Variants in CNKSR2 observed in about 807,000 individuals in gnomAD.
The protein encoded by CNKSR2 is connector enhancer of kinase suppressor of Ras 2.
CNKSR2 carries 14 observed loss-of-function variants against 84.4 expected under a neutral mutation model. The ratio of observed to expected loss-of-function variants is 0.17; its 90% CI spans 0.11 to 0.26. The LOEUF (loss-of-function observed/expected upper bound fraction) is 0.26, where lower values mean the gene tolerates loss of function less well. Among genes scored for constraint, CNKSR2 ranks in the 10% least tolerant of loss-of-function variants. The pLI, the probability that CNKSR2 is intolerant of heterozygous loss-of-function variation, is 1.00. For synonymous variants in CNKSR2, 275 were observed against 277.9 expected (o/e 0.99, Z 0.10); for missense variants, 485 against 771.2 (o/e 0.63, Z 4.40).
intron 1 of CNKSR2, 194 bp from the exon 2 acceptor site, chrX:21,426,303 G>A: frequency 2.5e-6 from 1 of 398,031 alleles, no homozygotes; most frequent in South Asian, 4.6e-5. Flanking sequence ...ACAACTACGA[G>A]TATGATGAAG....
At position 21,374,972 on chromosome X, in the gene CNKSR2, C is replaced by T; in HGVS notation, c.64+11C>T. 1 of 1,196,021 alleles carries T rather than the reference C, an allele frequency of 8.4e-7. No homozygotes were observed. The highest frequency in any genetic ancestry group is 1.1e-6 in the Non-Finnish European group (1 of 880,787). ...TGGACTGGATGAAAGGTAATGCCCG[C>T]TGCGGGGAGGGTGAGGCGGCACTGG... is the stretch of plus-strand genomic sequence containing the variant. On this transcript the variant is annotated intron_variant, in intron 1 of 21. Transcript: ENST00000379510.
At chrX:21,556,079 G>A (rs752696024) in intron 11 of CNKSR2, among the ~76,000 whole-genome samples, 70 of 110,367 alleles carry the variant, frequency 6.3e-4, no homozygotes, top group Non-Finnish European at 1.1e-3. Flanking sequence ...GAAGGAAGAG[G>A]GAGGAAAAGA....
At chrX:21,448,394 C>G (rs968762373) in intron 4 of CNKSR2, among the ~76,000 whole-genome samples, 18 of 111,483 alleles carry the variant, frequency 1.6e-4, no homozygotes, top group African/African-American at 5.5e-4. Flanking sequence ...AAAGAGAGAA[C>G]CAATGCTAGA....
At chrX:21,570,535 G>C (rs2092276420) in intron 13 of CNKSR2, among the ~76,000 whole-genome samples, 1 of 111,761 alleles carries the variant, frequency 8.9e-6, no homozygotes, top group Non-Finnish European at 1.9e-5. Context: ...CAATAAGGCT[G>C]TTTCGTTTTC....
At chrX:21,641,657 T>G in intron 20 of CNKSR2, 1 of 1,148,392 alleles carries the variant, frequency 8.7e-7, no homozygotes, top group Non-Finnish European at 1.2e-6. Context: ...TCGGAGAGAG[T>G]CGGTACGGCG....
intron 18 of CNKSR2, 133 bp downstream of exon 18, chrX:21,601,482 T>A (rs1455003277): frequency 7.0e-6 from 3 of 428,276 alleles, no homozygotes; most frequent in Non-Finnish European, 1.2e-5. Context: ...GGCACTTAAG[T>A]GAGGTTTAAC....
chrX:21,439,121 G>A (rs991262836), intron 3 of CNKSR2, among the ~76,000 whole-genome samples: 5 of 111,303 alleles, frequency 4.5e-5, no homozygotes, highest in African/African-American at 9.8e-5. Flanking sequence ...AACAACAGGA[G>A]AATAAAAATT....
chrX:21,451,525 A>G (rs2090928681), intron 4 of CNKSR2, among the ~76,000 whole-genome samples: 1 of 110,006 alleles, frequency 9.1e-6, no homozygotes, highest in Non-Finnish European at 1.9e-5. Flanking sequence ...GCCATAAAAA[A>G]TGATGAGTTC....
chrX:21,465,594 A>G (rs940559413), intron 4 of CNKSR2, among the ~76,000 whole-genome samples: 1 of 111,334 alleles, frequency 9.0e-6, no homozygotes, highest in Non-Finnish European at 1.9e-5. Context: ...TTGTAAAAGT[A>G]TACAATATAT....
At position 21,532,017 on chromosome X, in the gene CNKSR2, A is replaced by G. The variant is rs1236262127; in HGVS notation, c.1253A>G (p.Glu418Gly). Residue 418 changes from glutamate (E) to glycine (G), a missense_variant, in exon 11 of 22, where the codon GAA becomes GGA. Physicochemically the swap from Glu to Gly is moderately conservative, Grantham distance 98. Around this residue, in one of 5 missense-constraint regions of CNKSR2, gnomAD observed 132 missense variants for 166.7 expected, o/e 0.79. Coordinates refer to ENST00000379510, the MANE Select transcript of CNKSR2 (RefSeq NM_014927.5). ...ACTGTCTTATATTGCTATGAATATG[A>G]AAAAGGAAGATCAAGTAGTCAAGGA... ...EDTVLYCYEY[E>G]KGRSSSQGRR... 3 of 1,204,538 alleles carry G rather than the reference A, an allele frequency of 2.5e-6. No individual in the cohort carries two copies. Among genetic ancestry groups the G allele is most frequent in the Non-Finnish European group, 3.4e-6 (3 of 889,916 alleles).
At chrX:21,535,572 A>T (rs1440159186) in intron 11 of CNKSR2, among the ~76,000 whole-genome samples, 2 of 110,211 alleles carry the variant, frequency 1.8e-5, no homozygotes, top group African/African-American at 6.6e-5. Flanking sequence ...TGTAGTTTTC[A>T]TTGTAGAGAT....
intron 11 of CNKSR2, among the ~76,000 whole-genome samples, chrX:21,536,741 T>G (rs1601916217): frequency 9.0e-6 from 1 of 110,512 alleles, no homozygotes; most frequent in South Asian, 3.7e-4. Context: ...CTGACTTTAT[T>G]TGGGTAATCT....
intron 20 of CNKSR2, 76 bp downstream of exon 20, chrX:21,609,693 T>C: frequency 9.3e-7 from 1 of 1,076,817 alleles, no homozygotes; most frequent in Non-Finnish European, 1.2e-6. Context: ...TTGAAGAAAA[T>C]AGAACCTTGC....
intron 20 of CNKSR2, among the ~76,000 whole-genome samples, chrX:21,610,840 G>A (rs987097500): frequency 2.7e-5 from 3 of 112,152 alleles, no homozygotes; most frequent in African/African-American, 9.7e-5. Context: ...CTTTGGAAAT[G>A]ACTGACAAGA....
At chrX:21,608,370 T>C (rs1244461264) in intron 19 of CNKSR2, among the ~76,000 whole-genome samples, 1 of 111,844 alleles carries the variant, frequency 8.9e-6, no homozygotes, top group Non-Finnish European at 1.9e-5. Context: ...TTGATGCCAG[T>C]CCTTTTTCTG....
rs766541732 is a variant in CNKSR2, at chrX:21,449,229, A to G, written c.519+8448A>G. ...TGAGGCAGGAGAATCACTTGAACCC[A>G]GGAGGCGGAGGTTGCAGCGAGCCGA... On this transcript the variant is annotated intron_variant, in intron 4 of 21. Transcript: ENST00000379510. Among the ~76,000 whole-genome samples the G allele has an allele frequency of 6.9e-5, 7 of 101,654 alleles. No individual in the cohort carries two copies. In the South Asian group the frequency reaches 3.5e-3, roughly 51 times the overall value. The allele number at this position is 101,654 out of a possible 115,157, so 88.3% of individuals were successfully genotyped here.
intron 1 of CNKSR2, among the ~76,000 whole-genome samples, chrX:21,400,201 C>G (rs1026402438): frequency 2.7e-5 from 3 of 110,569 alleles, no homozygotes; most frequent in African/African-American, 6.6e-5. Flanking sequence ...TTTAATTTCA[C>G]TGAAATTACA....
chrX:21,451,667 G>C (rs1336018342), intron 4 of CNKSR2, among the ~76,000 whole-genome samples: 1 of 84,675 alleles, frequency 1.2e-5, no homozygotes, highest in Non-Finnish European at 2.2e-5. Context: ...GTGGACACAG[G>C]AAGGGGAACA....
chrX:21,515,565 A>T (rs191848247), intron 8 of CNKSR2, among the ~76,000 whole-genome samples: 1 of 111,529 alleles, frequency 9.0e-6, no homozygotes. Context: ...TTTAAAAAAA[A>T]CTTGGAATAA....
Sources: gnomAD v4.1 joint callset for allele counts (sites outside exome capture counted in the v4.1 genomes callset) on GRCh38, gnomAD v4.1.1 for gene constraint, gnomAD v4.1.1 regional missense constraint, MANE v1.5 for transcripts, NCBI Gene and HGNC (gene_info 2026-07-23, HGNC 2026-07-21) for gene names.